Variants in GRK5 observed in about 807,000 individuals in gnomAD.
GRK5 encodes the protein g protein-coupled receptor kinase GRK5.
GRK5 carries 40 observed loss-of-function variants against 78.4 expected under a neutral mutation model. The observed-to-expected ratio is 0.51, with a 90% CI of 0.40 to 0.66. The LOEUF is 0.66. Ranked by LOEUF, GRK5 falls within the 30% of genes least tolerant of loss-of-function variation. The pLI, the probability that GRK5 is intolerant of heterozygous loss-of-function variation, is 0.00. For missense variants in GRK5, 598 were observed against 759.9 expected (o/e 0.79, Z 2.50); for synonymous variants, 289 against 296.8 (o/e 0.97, Z 0.27).
intron 6 of GRK5, among the ~76,000 whole-genome samples, chr10:119,428,483 C>T (rs1167950524): frequency 6.6e-6 from 1 of 152,236 alleles, no homozygotes; most frequent in Admixed American, 6.5e-5. Flanking sequence ...GAGCCCTCCA[C>T]TGGATGTAAG....
intron 1 of GRK5, among the ~76,000 whole-genome samples, chr10:119,261,634 T>C (rs368358804): frequency 1.3e-5 from 2 of 150,892 alleles, no homozygotes; most frequent in East Asian, 1.9e-4. Context: ...AACCAGACTC[T>C]GTCTGCAATC....
intron 1 of GRK5, among the ~76,000 whole-genome samples, chr10:119,237,235 G>T (rs574292324): frequency 6.6e-6 from 1 of 151,882 alleles, no homozygotes; most frequent in Admixed American, 6.6e-5. Context: ...GCTAAGTTTT[G>T]TATTTTTAGT....
intron 1 of GRK5, among the ~76,000 whole-genome samples, chr10:119,295,279 C>T (rs944962473): frequency 5.3e-5 from 8 of 151,490 alleles, no homozygotes; most frequent in African/African-American, 1.9e-4. Flanking sequence ...GTTTGTGGGG[C>T]CCTAGACTCA....
At chr10:119,259,870 G>A (rs532970515) in intron 1 of GRK5, among the ~76,000 whole-genome samples, 60 of 152,278 alleles carry the variant, frequency 3.9e-4, no homozygotes, top group African/African-American at 1.3e-3. Context: ...CTAGAACATG[G>A]GCCCAGTTTT....
At chr10:119,389,626 G>T (rs1851853799) in intron 3 of GRK5, among the ~76,000 whole-genome samples, 1 of 152,246 alleles carries the variant, frequency 6.6e-6, no homozygotes, top group African/African-American at 2.4e-5. Context: ...CAGTTGACTG[G>T]AGCAGGAGGG....
At chr10:119,441,304 G>T (rs536256154) in intron 10 of GRK5, among the ~76,000 whole-genome samples, 2 of 152,338 alleles carry the variant, frequency 1.3e-5, no homozygotes, top group Admixed American at 1.3e-4. Context: ...GAGGGATGGG[G>T]GTGGGGCCCT....
intron 2 of GRK5, among the ~76,000 whole-genome samples, chr10:119,343,299 C>T (rs1851015835): frequency 6.6e-6 from 1 of 152,106 alleles, no homozygotes. Flanking sequence ...ACTTTTGGGT[C>T]AGCAGGTTCA....
intron 1 of GRK5, among the ~76,000 whole-genome samples, chr10:119,292,167 C>G (rs1301878522): frequency 7.7e-6 from 1 of 129,420 alleles, no homozygotes; most frequent in African/African-American, 3.0e-5. Flanking sequence ...CCTCTTCCTC[C>G]TCCTCCTCTT....
chr10:119,381,761 C>T (rs543879760), intron 3 of GRK5, among the ~76,000 whole-genome samples: 1 of 152,182 alleles, frequency 6.6e-6, no homozygotes, highest in Non-Finnish European at 1.5e-5. Context: ...CTCCCCTCCC[C>T]GCCAGGTGCA....
intron 1 of GRK5, among the ~76,000 whole-genome samples, chr10:119,285,452 A>G (rs1308491727): frequency 6.6e-6 from 1 of 152,194 alleles, no homozygotes; most frequent in Non-Finnish European, 1.5e-5. Context: ...CAGTTTCTGA[A>G]AAAGCAAATC....
At chr10:119,345,746 G>A (rs185780884) in intron 2 of GRK5, among the ~76,000 whole-genome samples, 16 of 151,854 alleles carry the variant, frequency 1.1e-4, no homozygotes, top group African/African-American at 3.9e-4. Context: ...GGCCCTTGGG[G>A]AAACCCAGCA....
intron 3 of GRK5, among the ~76,000 whole-genome samples, chr10:119,382,984 C>T (rs1055738624): frequency 3.3e-5 from 5 of 152,014 alleles, no homozygotes; most frequent in African/African-American, 7.2e-5. Flanking sequence ...TACAGTGGTG[C>T]GATCTCAGCA....
chr10:119,429,146 G>T (rs988959532), intron 6 of GRK5, among the ~76,000 whole-genome samples: 1 of 152,212 alleles, frequency 6.6e-6, no homozygotes, highest in Non-Finnish European at 1.5e-5. Flanking sequence ...TGGGGTTTGG[G>T]CCCTGTGTCC....
Position 119,443,661 on chromosome 10 carries a change from T to C in GRK5, c.1175T>C (p.Val392Ala), listed in dbSNP as rs1853084036. Reference protein sequence around the residue: ...QSPFRGRKEKVKREEVDRRVL... With the variant: ...QSPFRGRKEKAKREEVDRRVL... The stretch of plus-strand genomic sequence containing the variant: ...CCGTTCCGCGGCCGCAAGGAGAAGG[T>C]GAAGCGGGAGGAGGTGGACCGCCGG... Residue 392 changes from valine (V) to alanine (A), a missense_variant, in exon 12 of 16, where the codon GTG becomes GCG. By Grantham distance (64) the Val-to-Ala change is moderately conservative. Transcript: ENST00000392870. 6.2e-7 allele frequency: 1 copy of C among 1,613,402 alleles called. No homozygotes were observed. The highest frequency in any genetic ancestry group is 1.7e-5 in the Admixed American group (1 of 59,994).
At chr10:119,401,053 A>G (rs1852142015) in intron 4 of GRK5, among the ~76,000 whole-genome samples, 1 of 152,100 alleles carries the variant, frequency 6.6e-6, no homozygotes, top group Admixed American at 6.5e-5. Context: ...CGCTGGACAC[A>G]TGGTTCTCGA....
chr10:119,282,462 T>C (rs952946712), intron 1 of GRK5, among the ~76,000 whole-genome samples: 2 of 152,222 alleles, frequency 1.3e-5, no homozygotes, highest in African/African-American at 4.8e-5. Flanking sequence ...CAGTCTGTTT[T>C]CCTTGTCTGT....
intron 12 of GRK5, among the ~76,000 whole-genome samples, chr10:119,447,145 C>T (rs188708280): frequency 3.3e-5 from 5 of 152,282 alleles, no homozygotes; most frequent in South Asian, 4.1e-4. Context: ...AGTCAAGGCC[C>T]CCTGCGCAGG....
Position 119,240,619 on chromosome 10 carries a change from C to A in GRK5, c.52+32650C>A, listed in dbSNP as rs1398359929. ...GCTTTTTTTTAATATGTTTGTTGGC[C>A]ACATAAATGTCTTCTTTTGAGAAGT... is the stretch of plus-strand genomic sequence containing the variant. On this transcript the variant is annotated intron_variant, in intron 1 of 15. Coordinates refer to ENST00000392870, the MANE Select transcript of GRK5 (RefSeq NM_005308.3). Among the ~76,000 whole-genome samples, 3 of 151,952 alleles carry A rather than the reference C, an allele frequency of 2.0e-5. No homozygotes were observed. The East Asian group carries it at 5.8e-4, about 29-fold the overall frequency.
intron 6 of GRK5, among the ~76,000 whole-genome samples, chr10:119,426,496 T>A (rs1427600526): frequency 1.3e-5 from 2 of 152,228 alleles, no homozygotes; most frequent in Admixed American, 6.5e-5. Context: ...CTCACGACTC[T>A]ACACCTCAGT....
Sources: gnomAD v4.1 joint callset for allele counts (sites outside exome capture counted in the v4.1 genomes callset) on GRCh38, gnomAD v4.1.1 for gene constraint, MANE v1.5 for transcripts, NCBI Gene and HGNC (gene_info 2026-07-23, HGNC 2026-07-21) for gene names.